The following AUTS2 variants were observed in gnomAD, a reference collection of about 807,000 sequenced individuals.
AUTS2 encodes the protein autism susceptibility gene 2 protein.
A neutral mutation model predicts 112.4 loss-of-function variants in AUTS2; 17 were observed. The ratio of observed to expected loss-of-function variants is 0.15; its 90% confidence interval spans 0.10 to 0.23. AUTS2 has a LOEUF of 0.23. Among genes scored for constraint, AUTS2 ranks in the 10% least tolerant of loss-of-function variants. The pLI is 1.00. For missense variants in AUTS2, 1,510 were observed against 1,701.6 expected, an observed-to-expected ratio of 0.89 and a Z score of 1.98; for synonymous variants, 751 against 702.7, an observed-to-expected ratio of 1.07 and a Z score of -1.09.
chr7:70,125,253 G>A (rs1805904385), intron 3 of AUTS2, among the ~76,000 whole-genome samples: 1 of 67,598 alleles, frequency 1.5e-5, no homozygotes, highest in Admixed American at 1.3e-4. Context: ...AGATGTGTGT[G>A]TGTGTGTGTG....
chr7:69,902,997 C>A (rs1296825644), intron 2 of AUTS2, among the ~76,000 whole-genome samples: 1 of 152,178 alleles, frequency 6.6e-6, no homozygotes, highest in Non-Finnish European at 1.5e-5. Flanking sequence ...ACCTCTTATA[C>A]AACTCTTATA....
chr7:69,832,040 C>G (rs893727167), intron 1 of AUTS2, among the ~76,000 whole-genome samples: 51 of 152,090 alleles, frequency 3.4e-4, no homozygotes, highest in Non-Finnish European at 8.8e-5. Flanking sequence ...TCCTTTGAAC[C>G]TATGGTAATC....
intron 1 of AUTS2, among the ~76,000 whole-genome samples, chr7:69,626,816 A>G (rs1278370804): frequency 6.6e-6 from 1 of 152,204 alleles, no homozygotes; most frequent in Non-Finnish European, 1.5e-5. Context: ...TCTGCTTAAA[A>G]AATTTCCACG....
At chr7:69,625,497 G>A (rs1195740489) in intron 1 of AUTS2, among the ~76,000 whole-genome samples, 1 of 151,940 alleles carries the variant, frequency 6.6e-6, no homozygotes, top group Non-Finnish European at 1.5e-5. Context: ...TTCTTTTTTG[G>A]CGGGGCAGGG....
Position 69,733,569 on chromosome 7 carries a change from AC to A in AUTS2, c.309+133611del, listed in dbSNP as rs200255161. ...CATCATTTAAGTAGCAGAAGAGAGCACCCCATTGAGATGGTTTAAAAATGAG... is the reference window on the plus strand; with the variant it reads ...CATCATTTAAGTAGCAGAAGAGAGCACCCATTGAGATGGTTTAAAAATGAG... On this transcript the variant is annotated intron_variant, in intron 1 of 18. Coordinates refer to ENST00000342771, the MANE Select transcript of AUTS2 (RefSeq NM_015570.4). Among the ~76,000 whole-genome samples the A allele has an allele frequency of 5.9e-5, 9 of 152,064 alleles. 1 individual carries two copies. Among genetic ancestry groups the A allele is most frequent in the Admixed American group, 5.2e-4 (8 of 15,256 alleles).
Position 69,603,120 on chromosome 7 carries a change from C to A in AUTS2, c.309+3158C>A, listed in dbSNP as rs551543615. On this transcript the variant is annotated intron_variant, in intron 1 of 18. Transcript: ENST00000342771. ...CGGGCCTTGTGTTTAGAAATGAAATCAGTTGTCACCACATGTCATTAAGGC... is the reference window on the plus strand; with the variant it reads ...CGGGCCTTGTGTTTAGAAATGAAATAAGTTGTCACCACATGTCATTAAGGC... Among the ~76,000 whole-genome samples the A allele has an allele frequency of 2.6e-5, 4 of 152,300 alleles. No homozygotes were observed. In the South Asian group the frequency reaches 6.2e-4, roughly 24 times the overall value.
intron 4 of AUTS2, among the ~76,000 whole-genome samples, chr7:70,283,439 C>G (rs1194903061): frequency 6.6e-6 from 1 of 152,072 alleles, no homozygotes; most frequent in Non-Finnish European, 1.5e-5. Flanking sequence ...ACATGTCAAA[C>G]TGACATGCCA....
intron 4 of AUTS2, among the ~76,000 whole-genome samples, chr7:70,191,262 G>A (rs1367803397): frequency 6.7e-6 from 1 of 148,758 alleles, no homozygotes; most frequent in Admixed American, 6.8e-5. Context: ...CTGCCTCCCG[G>A]GTTTACACCA....
intron 4 of AUTS2, among the ~76,000 whole-genome samples, chr7:70,322,040 T>TA (rs1335947525): frequency 6.6e-6 from 1 of 152,160 alleles, no homozygotes; most frequent in African/African-American, 2.4e-5. Context: ...AAAGGTTACT[T>TA]AGAGACAGAA....
At chr7:70,740,062 G>A (rs7777347) in intron 6 of AUTS2, among the ~76,000 whole-genome samples, 101,059 of 152,028 alleles carry the variant, frequency 0.66, 34,509 homozygotes, top group African/African-American at 0.81. Flanking sequence ...AAAAGGAGGT[G>A]TGCAGAACCT....
intron 1 of AUTS2, among the ~76,000 whole-genome samples, chr7:69,894,265 T>G (rs1256904920): frequency 3.4e-5 from 4 of 119,232 alleles, no homozygotes; most frequent in Non-Finnish European, 5.7e-5. Context: ...TTTTTTTTTT[T>G]TTTTTTTTTT....
rs1406886820 is a variant in AUTS2, at chr7:70,045,662, G to A, written c.523-72470G>A. ...CTTGCTCTGTCACCCAGGCTAGAGT[G>A]CAGTGGTGCAATCTCGGCTCACTGC... On this transcript the variant is annotated intron_variant, in intron 2 of 18. Transcript: ENST00000342771. Among the ~76,000 whole-genome samples, 7 of 151,652 alleles carry A rather than the reference G, an allele frequency of 4.6e-5. No homozygotes were observed. The East Asian group carries it at 5.8e-4, about 13-fold the overall frequency.
chr7:69,875,711 A>G (rs78537139), intron 1 of AUTS2, among the ~76,000 whole-genome samples: 3,173 of 152,254 alleles, frequency 0.021, 111 homozygotes, highest in African/African-American at 0.07. Context: ...ATTGAACCTT[A>G]TGGAGAGAGC....
intron 5 of AUTS2, among the ~76,000 whole-genome samples, chr7:70,671,789 A>G (rs1351151593): frequency 1.3e-5 from 2 of 152,230 alleles, no homozygotes; most frequent in South Asian, 2.1e-4. Context: ...TGCGTTGTCA[A>G]CCTGGAAGGA....
intron 1 of AUTS2, among the ~76,000 whole-genome samples, chr7:69,728,680 C>CTTTTTTT (rs5884765): frequency 2.3e-5 from 3 of 128,686 alleles, no homozygotes; most frequent in Non-Finnish European, 3.2e-5. Context: ...TTGCTTGTGG[C>CTTTTTTT]TTTTTTTTTT....
At chr7:70,562,083 G>C (rs1401253401) in intron 5 of AUTS2, among the ~76,000 whole-genome samples, 5 of 152,150 alleles carry the variant, frequency 3.3e-5, no homozygotes, top group Non-Finnish European at 7.3e-5. Flanking sequence ...CTTGCCTTCT[G>C]CCTCGAGTAA....
At position 70,470,892 on chromosome 7, in the gene AUTS2, G is replaced by T. The variant is rs57344337; in HGVS notation, c.690+35111G>T. 2.6e-5 allele frequency among the ~76,000 whole-genome samples: 4 copies of T among 152,122 alleles called. No individual in the cohort carries two copies. The South Asian group carries it at 6.2e-4, about 24-fold the overall frequency. On this transcript the variant is annotated intron_variant, in intron 5 of 18. Coordinates refer to ENST00000342771, the MANE Select transcript of AUTS2 (RefSeq NM_015570.4). ...AATAAAAGCCATGGGGATCTGACCC[G>T]CGGCAGTGTGTTTCAGCCTGCGAAC...
intron 2 of AUTS2, among the ~76,000 whole-genome samples, chr7:70,057,873 T>C (rs1195707680): frequency 6.6e-6 from 1 of 152,236 alleles, no homozygotes; most frequent in Non-Finnish European, 1.5e-5. Flanking sequence ...ACTTTTATTG[T>C]TAGCCTCTTC....
intron 1 of AUTS2, among the ~76,000 whole-genome samples, chr7:69,879,320 CT>C (rs56852869): frequency 3.5e-5 from 5 of 144,640 alleles, no homozygotes; most frequent in Middle Eastern, 3.3e-3. Flanking sequence ...TTTTTTTTTT[CT>C]TTTTTTTTTG....
Sources: allele counts gnomAD v4.1 joint callset (sites outside exome capture counted in the v4.1 genomes callset), GRCh38; gene constraint gnomAD v4.1.1; transcripts MANE v1.5; gene names NCBI Gene and HGNC (gene_info 2026-07-23, HGNC 2026-07-21).